The following RORA variants were observed in gnomAD, a reference collection of about 807,000 sequenced individuals.
The protein encoded by RORA is RAR related orphan receptor A, also known as nuclear receptor ROR-alpha.
Under a neutral mutation model 69.5 loss-of-function variants are expected in RORA, and 7 were observed. That is an observed-to-expected ratio of 0.10 (90% CI 0.06 to 0.19). RORA has a LOEUF of 0.19. RORA is among the 10% of genes least tolerant of loss of function. The probability of loss-of-function intolerance (pLI) is 1.00; values close to 1 mark genes in which losing one functional copy is unlikely to be tolerated. For missense variants in RORA, 457 were observed against 663.0 expected (o/e 0.69, Z 3.41); for synonymous variants, 261 against 240.8 (o/e 1.08, Z -0.78).
intron 1 of RORA, among the ~76,000 whole-genome samples, chr15:60,977,040 GA>G (rs1241531275): frequency 6.7e-6 from 1 of 148,694 alleles, no homozygotes; most frequent in Non-Finnish European, 1.5e-5. Context: ...CTGCCATGCT[GA>G]AAAGCGTCTT....
At chr15:61,101,471 A>G (rs543659917) in intron 1 of RORA, among the ~76,000 whole-genome samples, 34 of 152,248 alleles carry the variant, frequency 2.2e-4, no homozygotes, top group African/African-American at 6.7e-4. Context: ...AGGGAAGAGC[A>G]TGATACATTC....
chr15:60,791,088 G>A (rs1359645509), intron 1 of RORA, among the ~76,000 whole-genome samples: 1 of 151,912 alleles, frequency 6.6e-6, no homozygotes, highest in Non-Finnish European at 1.5e-5. Flanking sequence ...CAAAAAGTCT[G>A]GCTCTTTTAG....
At chr15:61,005,298 G>C (rs976977338) in intron 1 of RORA, among the ~76,000 whole-genome samples, 11 of 152,072 alleles carry the variant, frequency 7.2e-5, no homozygotes, top group African/African-American at 2.2e-4. Context: ...TGGCCAACAT[G>C]GTGAAACACC....
At chr15:60,574,342 A>G (rs1277403816) in intron 2 of RORA, among the ~76,000 whole-genome samples, 2 of 152,230 alleles carry the variant, frequency 1.3e-5, no homozygotes, top group Non-Finnish European at 2.9e-5. Context: ...GGCTTAGAAC[A>G]TATATTACTG....
intron 2 of RORA, among the ~76,000 whole-genome samples, chr15:60,670,263 G>A (rs1440817211): frequency 6.7e-6 from 1 of 148,470 alleles, no homozygotes; most frequent in Non-Finnish European, 1.5e-5. Context: ...AGGTTGGGGT[G>A]CAGTGCTGTG....
At chr15:60,748,038 C>T (rs2071672752) in intron 1 of RORA, among the ~76,000 whole-genome samples, 2 of 152,130 alleles carry the variant, frequency 1.3e-5, no homozygotes, top group Admixed American at 6.5e-5. Flanking sequence ...TACAAGCAAA[C>T]TTGCTCGCCC....
rs145469593 is a variant in RORA, at chr15:60,699,020, T to C, written c.167-20334A>G. ...TATAAGACTTCTGTATAGTTAATCA[T>C]ATGTTGCTTGTCTCCCCAGTTTTTC... On this transcript the variant is annotated intron_variant, in intron 1 of 10. Transcript: ENST00000335670. Among the ~76,000 whole-genome samples the C allele has an allele frequency of 4.5e-3, 687 of 152,248 alleles. 5 individuals are homozygous for C. Among genetic ancestry groups the C allele is most frequent in the South Asian group, 9.3e-3 (45 of 4,834 alleles).
intron 1 of RORA, among the ~76,000 whole-genome samples, chr15:61,023,185 C>CT (rs1895625646): frequency 2.3e-5 from 1 of 43,322 alleles, no homozygotes; most frequent in South Asian, 1.1e-3. Context: ...GAGACTCTGC[C>CT]TCAAAAAAAA....
intron 1 of RORA, among the ~76,000 whole-genome samples, chr15:61,082,152 C>T (rs929784536): frequency 4.6e-5 from 7 of 152,078 alleles, no homozygotes; most frequent in Middle Eastern, 3.2e-3. Flanking sequence ...GTTTGACTGC[C>T]GAGGTCCACT....
At position 60,515,931 on chromosome 15, in the gene RORA, ATATATATTTATATATATTTATATATT is replaced by A. The variant is rs1555424756; in HGVS notation, c.283-1200_283-1175del. Among the ~76,000 whole-genome samples the A allele has an allele frequency of 5.4e-4, 10 of 18,494 alleles. 1 individual carries two copies. Among genetic ancestry groups the A allele is most frequent in the Admixed American group, 2.0e-3 (2 of 986 alleles). 12.1% of individuals were successfully genotyped at this position (18,494 alleles called of 152,430 possible). ...ATATTGTATTTATATATATATTTAT[ATATATATTTATATATATTTATATATT>A]TATATTTATATATATTTATATATTT... is the stretch of plus-strand genomic sequence containing the variant. On this transcript the variant is annotated intron_variant, in intron 3 of 10. Coordinates refer to ENST00000335670, the MANE Select transcript of RORA (RefSeq NM_134261.3).
chr15:61,028,398 G>T (rs1002642047), intron 1 of RORA, among the ~76,000 whole-genome samples: 1 of 152,078 alleles, frequency 6.6e-6, no homozygotes, highest in Non-Finnish European at 1.5e-5. Context: ...GAAACAATCT[G>T]GTTTTAATGA....
At chr15:60,586,088 T>C (rs771921568) in intron 2 of RORA, among the ~76,000 whole-genome samples, 19 of 152,192 alleles carry the variant, frequency 1.2e-4, no homozygotes, top group African/African-American at 4.6e-4. Context: ...TACTTAATAA[T>C]CAACTTCAAA....
chr15:60,850,122 G>A (rs918572501), intron 1 of RORA, among the ~76,000 whole-genome samples: 3 of 152,150 alleles, frequency 2.0e-5, no homozygotes, highest in African/African-American at 7.2e-5. Context: ...TCAACAGTCC[G>A]TGTTCATGGA....
At chr15:60,563,496 A>G (rs1175825012) in intron 2 of RORA, among the ~76,000 whole-genome samples, 1 of 152,192 alleles carries the variant, frequency 6.6e-6, no homozygotes, top group Non-Finnish European at 1.5e-5. Context: ...ATTTCCAACT[A>G]TTTTAGTCAT....
At chr15:61,023,046 G>T (rs1351897730) in intron 1 of RORA, among the ~76,000 whole-genome samples, 1 of 151,914 alleles carries the variant, frequency 6.6e-6, no homozygotes, top group Non-Finnish European at 1.5e-5. Context: ...AAATTAGCTG[G>T]GCGTGGTGGC....
At chr15:60,844,234 C>T (rs572916150) in intron 1 of RORA, among the ~76,000 whole-genome samples, 16 of 152,278 alleles carry the variant, frequency 1.1e-4, no homozygotes, top group African/African-American at 3.9e-4. Context: ...TGTCCTGAGG[C>T]TCTCTCAAGG....
At chr15:60,782,407 T>G (rs1267528026) in intron 1 of RORA, among the ~76,000 whole-genome samples, 1 of 152,190 alleles carries the variant, frequency 6.6e-6, no homozygotes, top group Admixed American at 6.5e-5. Flanking sequence ...GACCTGAGAT[T>G]GACGGCATTG....
chr15:60,853,139 A>T (rs1389941005), intron 1 of RORA, among the ~76,000 whole-genome samples: 2 of 152,196 alleles, frequency 1.3e-5, no homozygotes, highest in African/African-American at 4.8e-5. Context: ...CACACGGTAC[A>T]CGCTTCCAAT....
intron 1 of RORA, among the ~76,000 whole-genome samples, chr15:61,022,764 G>C (rs1895598747): frequency 6.6e-6 from 1 of 152,168 alleles, no homozygotes; most frequent in Non-Finnish European, 1.5e-5. Context: ...AAACACGTTT[G>C]TGGTTTTGCT....
Sources: gnomAD v4.1 joint callset for allele counts (sites outside exome capture counted in the v4.1 genomes callset) on GRCh38, gnomAD v4.1.1 for gene constraint, MANE v1.5 for transcripts, NCBI Gene and HGNC (gene_info 2026-07-23, HGNC 2026-07-21) for gene names.